The following EPC1 variants were observed in gnomAD, a reference collection of about 807,000 sequenced individuals.
The protein encoded by EPC1 is enhancer of polycomb 1, also known as enhancer of polycomb homolog 1.
In EPC1, 12 loss-of-function variants were observed where a neutral mutation model predicts 98.4. That is an observed-to-expected ratio of 0.12 (90% CI 0.08 to 0.20). EPC1 has a LOEUF of 0.20. Among genes scored for constraint, EPC1 ranks in the 10% least tolerant of loss-of-function variants. The pLI is 1.00. For missense variants in EPC1, 729 were observed against 990.5 expected (o/e 0.74, Z 3.54); for synonymous variants, 357 against 363.9 (o/e 0.98, Z 0.21).
chr10:32,295,714 A>C (rs577897495), intron 2 of EPC1, among the ~76,000 whole-genome samples: 1 of 152,330 alleles, frequency 6.6e-6, no homozygotes, highest in African/African-American at 2.4e-5. Context: ...CGGCTAACTG[A>C]ATTTATATTA....
intron 1 of EPC1, among the ~76,000 whole-genome samples, chr10:32,319,981 C>A (rs1836795086): frequency 6.6e-6 from 1 of 152,068 alleles, no homozygotes; most frequent in Non-Finnish European, 1.5e-5. Flanking sequence ...GCCCAGCCGA[C>A]ATCCATGAAA....
chr10:32,273,735 T>C (rs1378568894), intron 10 of EPC1, among the ~76,000 whole-genome samples: 1 of 152,202 alleles, frequency 6.6e-6, no homozygotes, highest in Non-Finnish European at 1.5e-5. Context: ...AATGGCTCTG[T>C]GTATATATAC....
intron 1 of EPC1, among the ~76,000 whole-genome samples, chr10:32,338,466 G>A (rs1049145886): frequency 1.3e-5 from 2 of 151,986 alleles, no homozygotes; most frequent in African/African-American, 2.4e-5. Context: ...CCTTAAACTC[G>A]CTAATAGCTT....
chr10:32,326,282 G>A (rs34130143), intron 1 of EPC1, among the ~76,000 whole-genome samples: 16,194 of 151,958 alleles, frequency 0.11, 947 homozygotes, highest in Admixed American at 0.13. Flanking sequence ...GCCTAATTCT[G>A]GCCAATTGTA....
chr10:32,327,332 T>C (rs1258656983), intron 1 of EPC1, among the ~76,000 whole-genome samples: 1 of 152,014 alleles, frequency 6.6e-6, no homozygotes, highest in African/African-American at 2.4e-5. Flanking sequence ...CAGGAAGAAG[T>C]TGGTCAAGGG....
At position 32,327,062 on chromosome 10, in the gene EPC1, GACACAC is replaced by G. The variant is rs57395657; in HGVS notation, c.153+19695_153+19700del. On this transcript the variant is annotated intron_variant, in intron 1 of 13. Transcript: ENST00000319778. ...AATAGATGAATGAAGAAAATGTGGT[GACACAC>G]ACACACACACACACACACACACTCA... is the stretch of plus-strand genomic sequence containing the variant. Among the ~76,000 whole-genome samples, 45 of 142,360 alleles carry G rather than the reference GACACAC, an allele frequency of 3.2e-4. No individual in the cohort carries two copies. The Middle Eastern group carries it at 0.014, about 45-fold the overall frequency. The allele number at this position is 142,360 out of a possible 152,430, so 93.4% of individuals were successfully genotyped here.
intron 1 of EPC1, among the ~76,000 whole-genome samples, chr10:32,375,050 T>G (rs1441670623): frequency 6.6e-6 from 1 of 152,120 alleles, no homozygotes; most frequent in Non-Finnish European, 1.5e-5. Flanking sequence ...ACACATTTTG[T>G]GTATCATTTT....
intron 1 of EPC1, among the ~76,000 whole-genome samples, chr10:32,366,440 AT>A (rs1286451976): frequency 1.6e-4 from 24 of 152,338 alleles, no homozygotes; most frequent in Admixed American, 1.0e-3. Context: ...AAATAAAAAA[AT>A]AGGTAATTTT....
chr10:32,300,333 G>A (rs1203532804), intron 2 of EPC1, among the ~76,000 whole-genome samples: 1 of 151,712 alleles, frequency 6.6e-6, no homozygotes, highest in Non-Finnish European at 1.5e-5. Context: ...CCATGTTGGT[G>A]TGCTGCACCC....
Position 32,302,204 on chromosome 10 carries a change from G to A in EPC1, c.313+3568C>T, listed in dbSNP as rs182198881. ...TGCAGTGAGCTGAGATCACTGCACT[G>A]CACTCCAGCCTGGGTGACAGAGCAA... On this transcript the variant is annotated intron_variant, in intron 2 of 13. Transcript: ENST00000319778. 1.6e-3 allele frequency among the ~76,000 whole-genome samples: 241 copies of A among 150,396 alleles called. 2 individuals carry two copies. Among genetic ancestry groups the A allele is most frequent in the Middle Eastern group, 7.0e-3 (2 of 286 alleles).
At chr10:32,345,449 CAA>C (rs1297470045) in intron 1 of EPC1, 3 of 985,010 alleles carry the variant, frequency 3.0e-6, no homozygotes, top group South Asian at 4.7e-5. Flanking sequence ...CTTACAGTAC[CAA>C]GAGAAGTATT....
chr10:32,285,080 T>C (rs1216859487), intron 9 of EPC1, 30 bp from the exon 10 acceptor site: 2 of 1,542,242 alleles, frequency 1.3e-6, no homozygotes, highest in Admixed American at 3.7e-5. Flanking sequence ...GAAACAGTTA[T>C]TTAAAATAGC....
intron 1 of EPC1, among the ~76,000 whole-genome samples, chr10:32,343,701 G>GT (rs978199488): frequency 5.3e-5 from 8 of 150,798 alleles, no homozygotes; most frequent in African/African-American, 1.2e-4. Context: ...TTTTGGGGGG[G>GT]GGGTGTAAGG....
chr10:32,277,577 TG>T (rs1836166559), intron 10 of EPC1, among the ~76,000 whole-genome samples: 1 of 152,154 alleles, frequency 6.6e-6, no homozygotes, highest in African/African-American at 2.4e-5. Flanking sequence ...ATTTTTTTTT[TG>T]AGACAGGGTC....
upstream of EPC1, among the ~76,000 whole-genome samples, chr10:32,352,041 GAT>G (rs1839127557): frequency 9.4e-6 from 1 of 105,928 alleles, no homozygotes; most frequent in Admixed American, 9.8e-5. Flanking sequence ...CAGCCATATT[GAT>G]TTTTTTTTTT....
rs1836601397 is a variant in EPC1, at chr10:32,284,985, A to G, written c.1457T>C (p.Leu486Pro). 2 of 1,614,232 alleles carry G rather than the reference A, an allele frequency of 1.2e-6. No homozygotes were observed. ...GACTGGAGAATGTTGTGGTGAGGAA[A>G]GCATTTCCAAATCCAGATGGTGAAA... The part of the protein sequence containing the change: ...SVFHHLDLEM[L>P]SSPQHSPVNQ... Residue 486 changes from leucine (L) to proline (P), a missense_variant, in exon 10 of 14, where the codon CTT (leucine) becomes CCT (proline). By Grantham distance (98) the Leu-to-Pro change is moderately conservative (BLOSUM62 -3). Around this residue, in one of 6 missense-constraint regions of EPC1, gnomAD observed 390 missense variants for 438.6 expected, o/e 0.89. Transcript: ENST00000319778.
In EPC1 at chr10:32,278,153, G is replaced by A. The variant is rs75143944; in HGVS notation, c.1745-4872C>T. ...CCTCCCGGGTTCAAGCGATTCTCCTGCCTCAGCCTCTCAAGTAGCTGGGAT... is the reference window on the plus strand; with the variant it reads ...CCTCCCGGGTTCAAGCGATTCTCCTACCTCAGCCTCTCAAGTAGCTGGGAT... On this transcript the variant is annotated intron_variant, in intron 10 of 13. Transcript: ENST00000319778. 1.1e-3 allele frequency among the ~76,000 whole-genome samples: 168 copies of A among 151,522 alleles called. 2 individuals carry two copies. In the East Asian group the frequency reaches 0.03, roughly 27 times the overall value.
chr10:32,300,206 C>T (rs10082494), intron 2 of EPC1, among the ~76,000 whole-genome samples: 3,259 of 152,020 alleles, frequency 0.021, 115 homozygotes, highest in South Asian at 0.16. Flanking sequence ...GCCACCGTGC[C>T]GGGCCACAAA....
At chr10:32,310,059 G>C (rs1454788790) in intron 1 of EPC1, among the ~76,000 whole-genome samples, 1 of 151,936 alleles carries the variant, frequency 6.6e-6, no homozygotes, top group Non-Finnish European at 1.5e-5. Context: ...GCCAGGTGTC[G>C]TAGTGCACAC....
Sources: allele counts gnomAD v4.1 joint callset (sites outside exome capture counted in the v4.1 genomes callset), GRCh38; gene constraint gnomAD v4.1.1; regional missense constraint gnomAD v4.1.1; transcripts MANE v1.5; gene names NCBI Gene and HGNC (gene_info 2026-07-23, HGNC 2026-07-21).